Variants in CCR6 observed in about 807,000 individuals in gnomAD.
CCR6 encodes the protein C-C motif chemokine receptor 6, also known as C-C chemokine receptor type 6.
A neutral mutation model predicts 3.0 loss-of-function variants in CCR6; 2 were observed. The ratio of observed to expected loss-of-function variants is 0.66; its 90% CI spans 0.27 to 2.07. The LOEUF (loss-of-function observed/expected upper bound fraction) is 2.07. CCR6 is among the 30% of genes most tolerant of loss of function. CCR6 has a pLI of 0.14. For synonymous variants in CCR6, 193 were observed against 184.3 expected (o/e 1.05, Z -0.38); for missense variants, 322 against 462.8 (o/e 0.70, Z 2.79).
intron 1 of CCR6, among the ~76,000 whole-genome samples, chr6:167,114,365 G>A (rs1237098774): frequency 6.6e-6 from 1 of 152,192 alleles, no homozygotes; most frequent in Non-Finnish European, 1.5e-5. Flanking sequence ...GTGGTCTTCT[G>A]AGCAGTGGTA....
At chr6:167,121,319 T>C (rs1562556391), upstream of CCR6, among the ~76,000 whole-genome samples, 1 of 152,246 alleles carries the variant, frequency 6.6e-6, no homozygotes, top group African/African-American at 2.4e-5. Flanking sequence ...TCATTTTTGG[T>C]CCCCAGCAAA....
chr6:167,137,277 C>T lies in CCR6; in HGVS notation c.1047C>T (p.Ala349=), dbSNP rs141375025. 89 of 1,614,034 alleles carry T rather than the reference C, an allele frequency of 5.5e-5. 2 individuals carry two copies. The highest frequency in any genetic ancestry group is 4.1e-4 in the African/African-American group (31 of 75,014). Reference sequence around the variant, plus strand: ...ACAAGTCCTCAGGCTTCTCCTGTGCCGGGAGGTACTCAGAAAACATTTCTC... The same window carrying T: ...ACAAGTCCTCAGGCTTCTCCTGTGCTGGGAGGTACTCAGAAAACATTTCTC... ...RKYKSSGFSC[A]GRYSENISRQ... The change falls in exon 3 of 3, where the codon GCC becomes GCT. Residue 349 remains alanine (A), a synonymous_variant. Transcript: ENST00000341935. This position sits in a 1 kb window ranked among gnomAD's most constrained non-coding sequence, Gnocchi z 4.6.
chr6:167,122,159 C>G (rs1341336346), upstream of CCR6, among the ~76,000 whole-genome samples: 1 of 152,118 alleles, frequency 6.6e-6, no homozygotes, highest in East Asian at 1.9e-4. The surrounding 1 kb of genome is among the most constrained non-coding windows in gnomAD (Gnocchi z 4.2). Context: ...GCCTCGTGGG[C>G]AGCCTGGGGG....
intron 1 of CCR6, among the ~76,000 whole-genome samples, chr6:167,112,653 G>A (rs1781433196): frequency 6.6e-6 from 1 of 152,182 alleles, no homozygotes; most frequent in Non-Finnish European, 1.5e-5. Context: ...CGGTGGAGGG[G>A]CTGGCTTTGT....
chr6:167,117,918 T>C (rs1781526151), upstream of CCR6, among the ~76,000 whole-genome samples: 1 of 150,176 alleles, frequency 6.7e-6, no homozygotes, highest in Admixed American at 6.7e-5. Flanking sequence ...TTCTTCACTC[T>C]GCAGGTTTCC....
At chr6:167,126,767 G>C (rs1352986317) in intron 1 of CCR6, 1 of 152,258 alleles carries the variant, frequency 6.6e-6, no homozygotes, top group Non-Finnish European at 1.5e-5. Context: ...GGACCAGGTG[G>C]AGATAATTGA....
At chr6:167,116,356 A>G (rs956951663) in intron 1 of CCR6, among the ~76,000 whole-genome samples, 2 of 151,682 alleles carry the variant, frequency 1.3e-5, no homozygotes, top group Admixed American at 1.3e-4. Flanking sequence ...TCTCTCCAGC[A>G]CCCCCGACGC....
upstream of CCR6, among the ~76,000 whole-genome samples, chr6:167,120,416 C>T (rs1781568088): frequency 6.6e-6 from 1 of 152,050 alleles, no homozygotes; most frequent in South Asian, 2.1e-4. Context: ...TGACTGACAC[C>T]CAGATGACCA....
intron 1 of CCR6, among the ~76,000 whole-genome samples, chr6:167,130,711 T>C (rs1457135495): frequency 6.6e-6 from 1 of 151,858 alleles, no homozygotes; most frequent in African/African-American, 2.4e-5. Flanking sequence ...GAATTGTACA[T>C]TGTTTATACC....
rs1171920085 is a variant in CCR6, at chr6:167,136,557, T to C, written c.327T>C (p.Gly109=). The part of the protein sequence containing the change: ...LPFWAVSHAT[G]AWVFSNATCK... ...TCTGGGCAGTGAGTCATGCCACCGGTGCGTGGGTTTTCAGCAATGCCACGT... is the reference window on the plus strand; with the variant it reads ...TCTGGGCAGTGAGTCATGCCACCGGCGCGTGGGTTTTCAGCAATGCCACGT... Residue 109 remains glycine, a synonymous_variant, in exon 3 of 3, where the codon GGT becomes GGC. Transcript: ENST00000341935. The surrounding 1 kb of genome is among the most constrained non-coding windows in gnomAD (Gnocchi z 4.6). The C allele has an allele frequency of 1.2e-6, 2 of 1,602,632 alleles. No homozygotes were observed. The highest frequency in any genetic ancestry group is 3.4e-5 in the Admixed American group (2 of 59,590).
upstream of CCR6, among the ~76,000 whole-genome samples, chr6:167,119,515 CAG>C (rs1781554521): frequency 6.6e-6 from 1 of 152,146 alleles, no homozygotes; most frequent in African/African-American, 2.4e-5. Context: ...TAATTTATAA[CAG>C]GTGTTCTCCT....
chr6:167,121,220 G>T (rs144727107), upstream of CCR6, among the ~76,000 whole-genome samples: 2 of 152,250 alleles, frequency 1.3e-5, no homozygotes, highest in Non-Finnish European at 2.9e-5. Flanking sequence ...AAGGAAGGGG[G>T]TGTCATTGGG....
At chr6:167,114,330 C>G (rs6456157) in intron 1 of CCR6, among the ~76,000 whole-genome samples, 1 of 151,986 alleles carries the variant, frequency 6.6e-6, no homozygotes, top group Non-Finnish European at 1.5e-5. Context: ...TTAGCTGAGA[C>G]GGTCTAGCTC....
At chr6:167,127,843 A>G (rs547774871) in intron 1 of CCR6, among the ~76,000 whole-genome samples, 8 of 152,172 alleles carry the variant, frequency 5.3e-5, no homozygotes, top group Non-Finnish European at 8.8e-5. Context: ...TCTTTCCACT[A>G]GTAAGTACTA....
chr6:167,122,472 C>T (rs533645326), upstream of CCR6, among the ~76,000 whole-genome samples: 2 of 152,272 alleles, frequency 1.3e-5, no homozygotes, highest in East Asian at 3.9e-4. The surrounding 1 kb of genome is among the most constrained non-coding windows in gnomAD (Gnocchi z 4.2). Context: ...ATTAGGTGCC[C>T]GCTTTTGATT....
chr6:167,112,765 G>A (rs1012174250), intron 1 of CCR6, among the ~76,000 whole-genome samples: 8 of 152,100 alleles, frequency 5.3e-5, no homozygotes, highest in Non-Finnish European at 1.2e-4. Flanking sequence ...AAGGTGGGAT[G>A]GGGTGAGGTG....
At chr6:167,128,191 T>C (rs111795640) in intron 1 of CCR6, among the ~76,000 whole-genome samples, 17 of 152,368 alleles carry the variant, frequency 1.1e-4, no homozygotes, top group Middle Eastern at 3.4e-3. Context: ...TTTGACTTCA[T>C]TGCATATGCA....
At chr6:167,115,302 ATTCTG>A in intron 1 of CCR6, 1 of 152,362 alleles carries the variant, frequency 6.6e-6, no homozygotes, top group Non-Finnish European at 1.5e-5. Flanking sequence ...TGTGGTCCTC[ATTCTG>A]TGAGCAGACC....
chr6:167,130,926 G>A (rs1781743348), intron 1 of CCR6, among the ~76,000 whole-genome samples: 1 of 145,626 alleles, frequency 6.9e-6, no homozygotes, highest in Non-Finnish European at 1.5e-5. Context: ...TTCTCTCAGG[G>A]ACCCCACCCT....
Sources: allele counts gnomAD v4.1 joint callset (sites outside exome capture counted in the v4.1 genomes callset), GRCh38; gene constraint gnomAD v4.1.1; non-coding constraint Gnocchi (gnomAD v3.1); transcripts MANE v1.5; gene names NCBI Gene and HGNC (gene_info 2026-07-23, HGNC 2026-07-21).